GAB2: variants seen among roughly 807,000 people sequenced by gnomAD.
GAB2 encodes the protein GRB2 associated binding protein 2.
In GAB2, 26 loss-of-function variants were observed where a neutral mutation model predicts 65.5. The ratio of observed to expected loss-of-function variants is 0.40; its 90% CI spans 0.29 to 0.55. The LOEUF (loss-of-function observed/expected upper bound fraction) is 0.55, where lower values mean the gene tolerates loss of function less well. Among genes scored for constraint, GAB2 ranks in the 20% least tolerant of loss-of-function variants. The probability of loss-of-function intolerance (pLI) is 0.53; values close to 1 mark genes in which losing one functional copy is unlikely to be tolerated. For synonymous variants in GAB2, 321 were observed against 329.6 expected, an observed-to-expected ratio of 0.97 and a Z score of 0.28; for missense variants, 884 against 875.8, an observed-to-expected ratio of 1.01 and a Z score of -0.12.
At chr11:78,262,313 T>C (rs1159865682) in intron 2 of GAB2, among the ~76,000 whole-genome samples, 1 of 152,248 alleles carries the variant, frequency 6.6e-6, no homozygotes, top group African/African-American at 2.4e-5. Flanking sequence ...CCAAGAGTTC[T>C]AATTTGTAAA....
intron 1 of GAB2, among the ~76,000 whole-genome samples, chr11:78,378,506 G>A (rs548768258): frequency 6.6e-6 from 1 of 152,216 alleles, no homozygotes; most frequent in South Asian, 2.1e-4. Context: ...GTGCTTTACA[G>A]TCAAGATCCC....
At chr11:78,383,787 G>C (rs116837350) in intron 1 of GAB2, among the ~76,000 whole-genome samples, 3 of 151,966 alleles carry the variant, frequency 2.0e-5, no homozygotes, top group South Asian at 2.1e-4. Flanking sequence ...CACAGACCTC[G>C]TCCCAGGAGT....
At chr11:78,319,781 G>A (rs79231021) in intron 1 of GAB2, among the ~76,000 whole-genome samples, 2,423 of 152,264 alleles carry the variant, frequency 0.016, 63 homozygotes, top group African/African-American at 0.055. Flanking sequence ...ACCAGGCACT[G>A]TGCCACGGGC....
intron 1 of GAB2, among the ~76,000 whole-genome samples, chr11:78,414,050 G>A (rs1857162006): frequency 7.1e-6 from 1 of 141,528 alleles, no homozygotes; most frequent in Non-Finnish European, 1.5e-5. Context: ...ATCGTGCATT[G>A]CACTCCAGCC....
At chr11:78,249,000 A>C (rs143921877) in intron 3 of GAB2, among the ~76,000 whole-genome samples, 2 of 152,366 alleles carry the variant, frequency 1.3e-5, no homozygotes, top group Non-Finnish European at 2.9e-5. Context: ...GTTCACAAAC[A>C]AATGAATCAT....
rs892008983 is a variant in GAB2 at position 78,219,112 on chromosome 11, A to G, written c.*160T>C. 30 of 661,884 alleles carry G rather than the reference A, an allele frequency of 4.5e-5. No homozygotes were observed. The highest frequency in any genetic ancestry group is 7.3e-5 in the Non-Finnish European group (29 of 395,524). The allele number at this position is 661,884 out of a possible 1,614,324, so 41.0% of individuals were successfully genotyped here. On this transcript the variant is annotated 3_prime_UTR_variant, in exon 10 of 10. Transcript: ENST00000361507. The stretch of plus-strand genomic sequence containing the variant: ...TGCCTTGATCAGGCCCTCACCTCCC[A>G]GGGGAAGGGTTCAGGGTCCCTGATG...
chr11:78,354,068 G>A (rs889074027), intron 1 of GAB2, among the ~76,000 whole-genome samples: 1 of 152,178 alleles, frequency 6.6e-6, no homozygotes. Context: ...GGCACTTTGA[G>A]AACTACTGAA....
At chr11:78,239,005 C>A (rs141561759) in intron 3 of GAB2, among the ~76,000 whole-genome samples, 1 of 151,592 alleles carries the variant, frequency 6.6e-6, no homozygotes, top group South Asian at 2.1e-4. Flanking sequence ...AAATGGCCAA[C>A]GCACGCATGA....
intron 1 of GAB2, among the ~76,000 whole-genome samples, chr11:78,400,148 A>G (rs1856950721): frequency 1.3e-5 from 2 of 152,120 alleles, no homozygotes; most frequent in African/African-American, 4.8e-5. Context: ...TCTGCTACAG[A>G]TTCCTCCACT....
chr11:78,222,947 C>G (rs1007913193), intron 6 of GAB2, among the ~76,000 whole-genome samples: 4 of 152,140 alleles, frequency 2.6e-5, no homozygotes, highest in African/African-American at 9.7e-5. Context: ...CTGCTCCTGG[C>G]CAGGTCGGTG....
chr11:78,341,544 C>T (rs1021606826), intron 1 of GAB2, among the ~76,000 whole-genome samples: 2 of 152,140 alleles, frequency 1.3e-5, no homozygotes, highest in Admixed American at 1.3e-4. Context: ...CATAATGATC[C>T]TGCACTAGGG....
chr11:78,332,425 A>G (rs1171786172), intron 1 of GAB2, among the ~76,000 whole-genome samples: 1 of 152,184 alleles, frequency 6.6e-6, no homozygotes, highest in African/African-American at 2.4e-5. Flanking sequence ...TTTCCTTTCA[A>G]TATTGATCAA....
chr11:78,368,751 T>G (rs891956817), intron 1 of GAB2, among the ~76,000 whole-genome samples: 1 of 151,516 alleles, frequency 6.6e-6, no homozygotes, highest in African/African-American at 2.4e-5. Flanking sequence ...TAGGTTTAAA[T>G]CTTCAACTTC....
intron 1 of GAB2, among the ~76,000 whole-genome samples, chr11:78,389,476 T>A (rs1298287632): frequency 6.6e-6 from 1 of 152,102 alleles, no homozygotes; most frequent in East Asian, 1.9e-4. Flanking sequence ...CCAGCTAATT[T>A]TTTGTATTTT....
At chr11:78,299,814 CCATA>C (rs970287873) in intron 1 of GAB2, among the ~76,000 whole-genome samples, 25 of 152,250 alleles carry the variant, frequency 1.6e-4, no homozygotes, top group African/African-American at 6.0e-4. Context: ...GAAAACATTC[CCATA>C]CAGAGACTTC....
intron 2 of GAB2, among the ~76,000 whole-genome samples, chr11:78,269,026 CT>C (rs916943914): frequency 2.0e-5 from 3 of 146,494 alleles, no homozygotes; most frequent in African/African-American, 7.7e-5. Context: ...TTAAAATAAC[CT>C]TTTTTTCTTT....
intron 3 of GAB2, among the ~76,000 whole-genome samples, chr11:78,230,036 C>A (rs1864795109): frequency 6.6e-6 from 1 of 152,240 alleles, no homozygotes; most frequent in African/African-American, 2.4e-5. Flanking sequence ...TCTCTGCCAA[C>A]AGACTGTGAT....
At chr11:78,254,852 C>T (rs550943198) in intron 2 of GAB2, among the ~76,000 whole-genome samples, 15 of 151,816 alleles carry the variant, frequency 9.9e-5, no homozygotes, top group African/African-American at 3.6e-4. Context: ...CAGAAAAATT[C>T]TTTCAAAGCT....
At chr11:78,233,900 C>T (rs563381030) in intron 3 of GAB2, among the ~76,000 whole-genome samples, 2 of 152,204 alleles carry the variant, frequency 1.3e-5, no homozygotes, top group Admixed American at 6.5e-5. Flanking sequence ...CGTGGGCCAC[C>T]ACGCCCAGCC....
Sources: gnomAD v4.1 joint callset for allele counts (sites outside exome capture counted in the v4.1 genomes callset) on GRCh38, gnomAD v4.1.1 for gene constraint, MANE v1.5 for transcripts, NCBI Gene and HGNC (gene_info 2026-07-23, HGNC 2026-07-21) for gene names.